SDHB: variants seen among roughly 807,000 people sequenced by gnomAD.
SDHB encodes succinate dehydrogenase complex iron sulfur subunit B.
SDHB carries 21 observed loss-of-function variants against 39.7 expected under a neutral mutation model. That is an observed-to-expected ratio of 0.53 (90% CI 0.37 to 0.76). The LOEUF (loss-of-function observed/expected upper bound fraction) is 0.76, where lower values mean the gene tolerates loss of function less well. Ranked by LOEUF, SDHB falls within the 30% of genes least tolerant of loss-of-function variation. SDHB has a pLI of 0.00. For missense variants in SDHB, 343 were observed against 350.9 expected (o/e 0.98, Z 0.18); for synonymous variants, 118 against 117.0 (o/e 1.01, Z -0.06).
At chr1:17,019,895 G>C (rs1455922785) in intron 7 of SDHB, among the ~76,000 whole-genome samples, 1 of 152,014 alleles carries the variant, frequency 6.6e-6, no homozygotes. Context: ...ACCACACCTG[G>C]CTAATTAAAA....
chr1:17,029,430 A>C (rs1353575826), intron 3 of SDHB, among the ~76,000 whole-genome samples: 1 of 137,210 alleles, frequency 7.3e-6, no homozygotes, highest in Non-Finnish European at 1.6e-5. Flanking sequence ...CGTCAAGCCT[A>C]TTTTTTTTTT....
intron 6 of SDHB, 96 bp downstream of exon 6, chr1:17,023,877 C>T (rs577626882): frequency 3.4e-6 from 3 of 873,434 alleles, no homozygotes; most frequent in Admixed American, 1.8e-5. Flanking sequence ...GAAACCAGGC[C>T]CCTCAGAATG....
chr1:17,024,874 T>C (rs1396816712), intron 5 of SDHB, among the ~76,000 whole-genome samples: 1 of 152,118 alleles, frequency 6.6e-6, no homozygotes, highest in Non-Finnish European at 1.5e-5. Context: ...GAAGTGACAG[T>C]TGAGAACAGA....
At position 17,028,752 on chromosome 1, in the gene SDHB, A is replaced by G. The variant is rs2078005658; in HGVS notation, c.287-16T>C. On this transcript the variant is annotated splice_polypyrimidine_tract_variant and intron_variant, in intron 3 of 7. Coordinates refer to ENST00000375499, the MANE Select transcript of SDHB (RefSeq NM_003000.3). ...CCACAGATGCCTGAAAGAGACACAC[A>G]TTTAACACATCCTCACCCATATCCG... 1 of 1,613,330 alleles carries G rather than the reference A, an allele frequency of 6.2e-7. No individual in the cohort carries two copies. The highest frequency in any genetic ancestry group is 8.5e-7 in the Non-Finnish European group (1 of 1,180,018).
intron 1 of SDHB, among the ~76,000 whole-genome samples, chr1:17,049,647 C>CTGTTTTTTTTTTTTTT (rs2078133829): frequency 1.9e-5 from 1 of 52,064 alleles, no homozygotes; most frequent in Non-Finnish European, 3.0e-5. Context: ...TCCCCTAGTT[C>CTGTTTTTTTTTTTTTT]TTTTTTTTTT....
intron 3 of SDHB, 90 bp downstream of exon 3, chr1:17,032,970 G>A: frequency 1.0e-6 from 1 of 967,248 alleles, no homozygotes; most frequent in Non-Finnish European, 1.7e-6. Flanking sequence ...AGCTGCAGCT[G>A]TTTTCCAGAT....
At chr1:17,032,256 T>C (rs2078027546) in intron 3 of SDHB, among the ~76,000 whole-genome samples, 1 of 151,766 alleles carries the variant, frequency 6.6e-6, no homozygotes, top group Non-Finnish European at 1.5e-5. Context: ...TGGAGTGCAG[T>C]GGCGTGATCT....
At chr1:17,029,897 C>G (rs568876299) in intron 3 of SDHB, among the ~76,000 whole-genome samples, 10 of 152,086 alleles carry the variant, frequency 6.6e-5, no homozygotes, top group Non-Finnish European at 1.2e-4. Flanking sequence ...CCATGTGCGG[C>G]GAATTCAAAA....
chr1:17,048,715 A>G (rs1279236400), intron 1 of SDHB, among the ~76,000 whole-genome samples: 2 of 151,618 alleles, frequency 1.3e-5, no homozygotes, highest in African/African-American at 2.4e-5. Flanking sequence ...ATATTTATTT[A>G]TTTATTTATT....
chr1:17,036,792 A>C (rs1379462290), intron 2 of SDHB, among the ~76,000 whole-genome samples: 1 of 147,422 alleles, frequency 6.8e-6, no homozygotes, highest in Non-Finnish European at 1.5e-5. Context: ...AAATACATAT[A>C]TAAATATATA....
chr1:17,039,231 T>G (rs2078065979), intron 2 of SDHB, among the ~76,000 whole-genome samples: 1 of 151,950 alleles, frequency 6.6e-6, no homozygotes, highest in Non-Finnish European at 1.5e-5. Flanking sequence ...TAAATATTTT[T>G]AGAAATCAAT....
At chr1:17,036,437 G>A (rs2101532582) in intron 2 of SDHB, among the ~76,000 whole-genome samples, 1 of 152,050 alleles carries the variant, frequency 6.6e-6, no homozygotes, top group East Asian at 1.9e-4. Context: ...CAGCCTCCAA[G>A]TAGCTGGGAC....
In SDHB at chr1:17,023,967, C is replaced by T. The variant is rs1326333007; in HGVS notation, c.642+6G>A. 2 of 1,605,016 alleles carry T rather than the reference C, an allele frequency of 1.2e-6. No homozygotes were observed. The highest frequency in any genetic ancestry group is 1.3e-5 in the African/African-American group (1 of 74,716). Reference sequence around the variant, plus strand: ...TTTCTCTTAAAGCAATTAAGGAGCACCTCACCTGCATAAGAACTGCAGGCC... The same window carrying T: ...TTTCTCTTAAAGCAATTAAGGAGCATCTCACCTGCATAAGAACTGCAGGCC... On this transcript the variant is annotated splice_donor_region_variant and intron_variant, in intron 6 of 7. Transcript: ENST00000375499.
At chr1:17,031,820 C>A (rs1032935227) in intron 3 of SDHB, among the ~76,000 whole-genome samples, 2 of 152,118 alleles carry the variant, frequency 1.3e-5, no homozygotes, top group Admixed American at 6.5e-5. Flanking sequence ...GTGTTCCAAG[C>A]CAAGTCAGTG....
rs587782243 is a variant in SDHB at position 17,033,060 on chromosome 1, C to T, written c.286G>A (p.Gly96Ser). 3.7e-6 allele frequency: 6 copies of T among 1,612,260 alleles called. No homozygotes were observed. Among genetic ancestry groups the T allele is most frequent in the Non-Finnish European group, 5.1e-6 (6 of 1,178,380 alleles). Residue 96 changes from glycine to serine, a missense_variant and splice_region_variant, in exon 3 of 8, where the codon GGC becomes AGC. Coordinates refer to ENST00000375499, the MANE Select transcript of SDHB (RefSeq NM_003000.3). ...TLTFRRSCRE[G>S]ICGSCAMNIN... is the part of the protein sequence containing the mutation. ...AGCCCAACAGGAATGAAATGCTCACCTTCTCTGCATGATCTTCGGAAGGTC... is the reference window on the plus strand; with the variant it reads ...AGCCCAACAGGAATGAAATGCTCACTTTCTCTGCATGATCTTCGGAAGGTC...
intron 2 of SDHB, among the ~76,000 whole-genome samples, chr1:17,034,034 C>T (rs1319804848): frequency 1.3e-5 from 2 of 152,216 alleles, no homozygotes; most frequent in Admixed American, 6.5e-5. Context: ...AAGTGCTCCA[C>T]AAATCTATTT....
chr1:17,023,794 A>C (rs538331609), intron 6 of SDHB, among the ~76,000 whole-genome samples, 179 bp downstream of exon 6: 1 of 152,364 alleles, frequency 6.6e-6, no homozygotes, highest in South Asian at 2.1e-4. Context: ...TTTGCAGACA[A>C]GGCCCCAGAT....
rs199701267 is a variant in SDHB, at chr1:17,018,851, G to A, written c.*30C>T. 1.3e-4 allele frequency: 201 copies of A among 1,509,078 alleles called. No homozygotes were observed. Among genetic ancestry groups the A allele is most frequent in the Non-Finnish European group, 1.7e-4 (181 of 1,084,764 alleles). The allele number at this position is 1,509,078 out of a possible 1,614,324, so 93.5% of individuals were successfully genotyped here. ...TATAAATTATGTTCAGCTCTGAGCT[G>A]GTTATAAATCATGTTTAGCATGGAA... On this transcript the variant is annotated 3_prime_UTR_variant, in exon 8 of 8. Coordinates refer to ENST00000375499, the MANE Select transcript of SDHB (RefSeq NM_003000.3).
At chr1:17,033,733 C>A (rs1242888314) in intron 2 of SDHB, among the ~76,000 whole-genome samples, 1 of 152,248 alleles carries the variant, frequency 6.6e-6, no homozygotes, top group African/African-American at 2.4e-5. Context: ...CACTTACCAG[C>A]TTGCAGGCAA....
Sources: gnomAD v4.1 joint callset for allele counts (sites outside exome capture counted in the v4.1 genomes callset) on GRCh38, gnomAD v4.1.1 for gene constraint, MANE v1.5 for transcripts, NCBI Gene and HGNC (gene_info 2026-07-23, HGNC 2026-07-21) for gene names.